The following LIPJ variants were observed in gnomAD, a reference collection of about 807,000 sequenced individuals.
LIPJ encodes the protein lipase member J.
In LIPJ, 33 loss-of-function variants were observed where a neutral mutation model predicts 39.8. That is an observed-to-expected ratio of 0.83 (90% CI 0.63 to 1.11). The LOEUF is 1.11. Among genes scored for constraint, LIPJ ranks in the 50% least tolerant of loss-of-function variants. The pLI is 0.00. For missense variants in LIPJ, 422 were observed against 427.9 expected (o/e 0.99, Z 0.12); for synonymous variants, 128 against 139.2 (o/e 0.92, Z 0.57).
chr10:88,594,339 C>A, intron 5 of LIPJ, 195 bp downstream of exon 5: 1 of 563,724 alleles, frequency 1.8e-6, no homozygotes, highest in Non-Finnish European at 3.1e-6. Context: ...TACGTTTCAG[C>A]AATAATCTTT....
intron 10 of LIPJ, 56 bp downstream of exon 10, chr10:88,605,760 C>T: frequency 9.1e-7 from 1 of 1,103,890 alleles, no homozygotes; most frequent in Non-Finnish European, 1.4e-6. Flanking sequence ...GATAACTTTG[C>T]TATAGATCAA....
At chr10:88,588,502 T>C (rs954418923) in intron 2 of LIPJ, among the ~76,000 whole-genome samples, 5 of 151,886 alleles carry the variant, frequency 3.3e-5, no homozygotes, top group African/African-American at 1.2e-4. Flanking sequence ...ATGGAAAGTT[T>C]TCATTTCAAC....
intron 4 of LIPJ, 80 bp downstream of exon 4, chr10:88,591,578 A>C: frequency 8.1e-7 from 1 of 1,229,460 alleles, no homozygotes; most frequent in Non-Finnish European, 1.1e-6. Flanking sequence ...AGAACATAGG[A>C]CAAGAAAAGC....
intron 2 of LIPJ, among the ~76,000 whole-genome samples, chr10:88,588,265 A>G (rs1590072838): frequency 6.6e-6 from 1 of 151,886 alleles, no homozygotes; most frequent in South Asian, 2.1e-4. Context: ...ATATCAACTT[A>G]AAAACTCTAT....
chr10:88,590,892 A>C (rs771627480), intron 3 of LIPJ, among the ~76,000 whole-genome samples, 196 bp downstream of exon 3: 2 of 151,788 alleles, frequency 1.3e-5, no homozygotes, highest in Non-Finnish European at 3.0e-5. Context: ...AACTATATTC[A>C]TACTTTCACA....
At chr10:88,587,903 T>C (rs546511002) in intron 2 of LIPJ, among the ~76,000 whole-genome samples, 1 of 152,214 alleles carries the variant, frequency 6.6e-6, no homozygotes, top group South Asian at 2.1e-4. Flanking sequence ...ACTTAATAAA[T>C]AGCAAACGAT....
chr10:88,594,035 A>T, exon 5 of LIPJ: 3 of 1,612,370 alleles, frequency 1.9e-6, no homozygotes, highest in Non-Finnish European at 2.5e-6. Flanking sequence ...TCTGGGCTTC[A>T]TTCTGGCAGA....
chr10:88,605,055 G>A (rs1851615435), intron 9 of LIPJ, among the ~76,000 whole-genome samples: 1 of 152,192 alleles, frequency 6.6e-6, no homozygotes, highest in South Asian at 2.1e-4. Context: ...GTGAAGGAAA[G>A]ATCTCAAGGA....
chr10:88,583,375 G>GC (rs1850778376), upstream of LIPJ: 6 of 1,392,904 alleles, frequency 4.3e-6, no homozygotes, highest in South Asian at 6.3e-5. Context: ...GAGCTGAGAG[G>GC]CCCCTCCGTC....
rs1790208983 is a variant in LIPJ at position 88,590,786 on chromosome 10, C to T, written c.9+90C>T. ...AATTTTAACTTAATAGATTTACAGTCAAACGTATACATCTATATGTTAATA... is the reference window on the plus strand; with the variant it reads ...AATTTTAACTTAATAGATTTACAGTTAAACGTATACATCTATATGTTAATA... On this transcript the variant is annotated intron_variant, in intron 3 of 10. Coordinates refer to ENST00000371939, the Ensembl canonical transcript of LIPJ. 8.1e-6 allele frequency: 7 copies of T among 869,530 alleles called. No homozygotes were observed. The South Asian group carries it at 9.9e-5, about 12-fold the overall frequency. The allele number at this position is 869,530 out of a possible 1,614,324, so 53.9% of individuals were successfully genotyped here.
intron 4 of LIPJ, chr10:88,593,031 T>G (rs547870440): frequency 6.6e-6 from 1 of 152,070 alleles, no homozygotes; most frequent in Non-Finnish European, 1.5e-5. Flanking sequence ...CTTGTTCATG[T>G]ACAGTTAAAA....
chr10:88,613,629 A>T, the LIPJ span, among the ~76,000 whole-genome samples: 1 of 151,564 alleles, frequency 6.6e-6, no homozygotes, highest in Non-Finnish European at 1.5e-5. Context: ...ATTCTCAGAA[A>T]GAGAACACAG....
At chr10:88,594,804 T>C (rs1447302344) in intron 6 of LIPJ, 28 bp downstream of exon 6, 26 of 1,088,136 alleles carry the variant, frequency 2.4e-5, no homozygotes, top group Non-Finnish European at 3.3e-5. Flanking sequence ...ATTGCTAATA[T>C]CCCTTAATTT....
chr10:88,583,348 C>T, upstream of LIPJ: 1 of 1,402,586 alleles, frequency 7.1e-7, no homozygotes, highest in African/African-American at 1.5e-5. Flanking sequence ...CTGCAGGGGG[C>T]GGAAAGGAGG....
At chr10:88,585,006 A>G (rs193288574), upstream of LIPJ, among the ~76,000 whole-genome samples, 55 of 152,320 alleles carry the variant, frequency 3.6e-4, no homozygotes, top group East Asian at 8.9e-3. Context: ...GTACAATTAT[A>G]CATTGAAGTT....
chr10:88,606,355 T>C (rs1851664657), intron 10 of LIPJ, among the ~76,000 whole-genome samples: 1 of 152,198 alleles, frequency 6.6e-6, no homozygotes, highest in Admixed American at 6.5e-5. Context: ...ATATTGACAG[T>C]AATACTGCTA....
chr10:88,614,172 T>A, the LIPJ span, among the ~76,000 whole-genome samples: 1 of 151,940 alleles, frequency 6.6e-6, no homozygotes, highest in Non-Finnish European at 1.5e-5. Flanking sequence ...AATATTTTAG[T>A]AATAATATTT....
chr10:88,606,958 C>A (rs771776339), exon 11 of LIPJ: 2 of 1,383,844 alleles, frequency 1.4e-6, no homozygotes, highest in Admixed American at 3.0e-5. Context: ...TAATGAAATC[C>A]AATTCTTATT....
intron 4 of LIPJ, 148 bp from the exon 5 acceptor site, chr10:88,593,798 G>C: frequency 1.6e-6 from 1 of 630,702 alleles, no homozygotes; most frequent in Non-Finnish European, 2.7e-6. Flanking sequence ...CATACAACGG[G>C]ATTAAATCTT....
Sources: gnomAD v4.1 joint callset for allele counts (sites outside exome capture counted in the v4.1 genomes callset) on GRCh38, gnomAD v4.1.1 for gene constraint, MANE v1.5 for transcripts, NCBI Gene and HGNC (gene_info 2026-07-23, HGNC 2026-07-21) for gene names.